The following MICU1 variants were observed in gnomAD, a reference collection of about 807,000 sequenced individuals.
The protein encoded by MICU1 is calcium uptake protein 1, mitochondrial.
In MICU1, 45 loss-of-function variants were observed where a neutral mutation model predicts 56.8. The ratio of observed to expected loss-of-function variants is 0.79; its 90% CI spans 0.62 to 1.02. The LOEUF is 1.02. Among genes scored for constraint, MICU1 ranks in the 50% least tolerant of loss-of-function variants. The pLI is 0.00. For synonymous variants in MICU1, 186 were observed against 195.1 expected (o/e 0.95, Z 0.39); for missense variants, 504 against 587.1 (o/e 0.86, Z 1.46).
chr10:72,431,435 C>T (rs1159976704), intron 8 of MICU1, among the ~76,000 whole-genome samples: 1 of 152,074 alleles, frequency 6.6e-6, no homozygotes, highest in Non-Finnish European at 1.5e-5. Flanking sequence ...CAGCTTCTAC[C>T]ACTATTTACG....
chr10:72,507,189 T>A (rs1867281885), intron 6 of MICU1, among the ~76,000 whole-genome samples: 1 of 152,164 alleles, frequency 6.6e-6, no homozygotes, highest in Non-Finnish European at 1.5e-5. Flanking sequence ...GCAAATCACT[T>A]ATTTCAAACA....
chr10:72,582,783 CAA>C (rs35690148), intron 1 of MICU1: 24 of 139,216 alleles, frequency 1.7e-4, no homozygotes, highest in Non-Finnish European at 2.0e-4. Context: ...GACCTTGTCT[CAA>C]AAAAAAAAAA....
intron 8 of MICU1, among the ~76,000 whole-genome samples, chr10:72,463,829 C>G (rs1385623566): frequency 1.3e-5 from 2 of 152,206 alleles, no homozygotes. Context: ...CATTCATTCA[C>G]TGACTCAACC....
intron 11 of MICU1, 79 bp downstream of exon 11, chr10:72,375,697 TGCTGTCC>T (rs1201398981): frequency 5.6e-6 from 7 of 1,239,036 alleles, no homozygotes; most frequent in Non-Finnish European, 7.9e-6. Flanking sequence ...GGTACACAGA[TGCTGTCC>T]GCAAGGCTCC....
chr10:72,521,618 C>A (rs1867824957), intron 5 of MICU1, among the ~76,000 whole-genome samples: 1 of 152,000 alleles, frequency 6.6e-6, no homozygotes, highest in South Asian at 2.1e-4. Context: ...ACATAAGTAG[C>A]CAAAGGTGAC....
chr10:72,602,547 C>T lies in MICU1; in HGVS notation c.-2+23463G>A, dbSNP rs187557800. Among the ~76,000 whole-genome samples the T allele has an allele frequency of 1.0e-3, 152 of 152,108 alleles. 2 individuals are homozygous for T. The highest frequency in any genetic ancestry group is 1.6e-3 in the Non-Finnish European group (107 of 68,010). On this transcript the variant is annotated intron_variant, in intron 1 of 11. Transcript: ENST00000361114. Reference sequence around the variant, plus strand: ...AATCATGTCTGTTTAGGATACAATACGCTTTGTCTGTAAAGCTTTAACCTA... The same window carrying T: ...AATCATGTCTGTTTAGGATACAATATGCTTTGTCTGTAAAGCTTTAACCTA...
chr10:72,576,226 A>AAG (rs1840741293), intron 1 of MICU1, among the ~76,000 whole-genome samples: 1 of 23,268 alleles, frequency 4.3e-5, no homozygotes, highest in Non-Finnish European at 3.3e-4. Context: ...AAAAAACACC[A>AAG]AAAAAAAAAA....
chr10:72,543,598 G>GTAATCCCAGTCCTT (rs1183317372), intron 4 of MICU1, among the ~76,000 whole-genome samples: 1 of 152,180 alleles, frequency 6.6e-6, no homozygotes, highest in African/African-American at 2.4e-5. Flanking sequence ...GCTCACGCCT[G>GTAATCCCAGTCCTT]TAATCCCAGT....
intron 4 of MICU1, 21 bp from the exon 5 acceptor site, chr10:72,533,810 A>G: frequency 2.6e-6 from 4 of 1,519,580 alleles, no homozygotes; most frequent in Non-Finnish European, 3.6e-6. Context: ...AAAGGAAAAA[A>G]CATTTAGCTA....
At chr10:72,386,557 A>ATTT (rs34210330) in intron 10 of MICU1, among the ~76,000 whole-genome samples, 39 of 120,172 alleles carry the variant, frequency 3.2e-4, no homozygotes, top group East Asian at 2.7e-3. Flanking sequence ...CCCGCCACCT[A>ATTT]TTTTTTTTTT....
At chr10:72,476,721 G>C (rs2132272023) in intron 7 of MICU1, among the ~76,000 whole-genome samples, 1 of 152,208 alleles carries the variant, frequency 6.6e-6, no homozygotes, top group South Asian at 2.1e-4. Context: ...GTAGTTCTAT[G>C]GAAATGTAAC....
intron 1 of MICU1, among the ~76,000 whole-genome samples, chr10:72,588,631 G>A (rs2132522799): frequency 6.6e-6 from 1 of 152,250 alleles, no homozygotes; most frequent in Non-Finnish European, 1.5e-5. Context: ...ATTTCTATTC[G>A]AAAATGATAC....
intron 5 of MICU1, among the ~76,000 whole-genome samples, chr10:72,530,957 T>G (rs953751425): frequency 6.6e-6 from 1 of 152,198 alleles, no homozygotes; most frequent in African/African-American, 2.4e-5. Context: ...ATTATTCAGG[T>G]AGAAATTTAA....
intron 6 of MICU1, among the ~76,000 whole-genome samples, chr10:72,505,515 T>C (rs1867215826): frequency 1.3e-5 from 2 of 152,212 alleles, no homozygotes; most frequent in East Asian, 1.9e-4. Context: ...TGCACTTGTA[T>C]GTTCATCGCA....
intron 8 of MICU1, among the ~76,000 whole-genome samples, chr10:72,428,842 A>T (rs16929842): frequency 0.045 from 6,797 of 152,244 alleles, 417 homozygotes; most frequent in East Asian, 0.19. Context: ...GATTTGGAAC[A>T]AAAGGTTTCA....
intron 10 of MICU1, among the ~76,000 whole-genome samples, chr10:72,401,781 G>A (rs113919491): frequency 2.0e-5 from 3 of 152,276 alleles, no homozygotes; most frequent in African/African-American, 7.2e-5. Context: ...ACTAATTACA[G>A]TCACCAGAGT....
intron 1 of MICU1, among the ~76,000 whole-genome samples, chr10:72,613,475 T>C (rs1370290980): frequency 6.6e-6 from 1 of 151,592 alleles, no homozygotes; most frequent in African/African-American, 2.4e-5. Context: ...CCAGGTCCCA[T>C]TATGTTGTTC....
At chr10:72,385,851 G>A (rs373949099) in intron 10 of MICU1, among the ~76,000 whole-genome samples, 5 of 152,314 alleles carry the variant, frequency 3.3e-5, no homozygotes, top group South Asian at 4.1e-4. Flanking sequence ...AGACTGAGGC[G>A]AGAGATTCTG....
At chr10:72,439,453 G>A (rs1486739316) in intron 8 of MICU1, among the ~76,000 whole-genome samples, 1 of 152,160 alleles carries the variant, frequency 6.6e-6, no homozygotes, top group African/African-American at 2.4e-5. Flanking sequence ...CATATTGAAT[G>A]GGCAAAGACT....
Sources: allele counts gnomAD v4.1 joint callset (sites outside exome capture counted in the v4.1 genomes callset), GRCh38; gene constraint gnomAD v4.1.1; transcripts MANE v1.5; gene names NCBI Gene and HGNC (gene_info 2026-07-23, HGNC 2026-07-21).